Variants in RALGAPA2 observed in about 807,000 individuals in gnomAD.
The protein encoded by RALGAPA2 is Ral GTPase activating protein catalytic subunit alpha 2, also known as ral GTPase-activating protein subunit alpha-2.
RALGAPA2 carries 139 observed loss-of-function variants against 230.4 expected under a neutral mutation model. The observed-to-expected ratio is 0.60, with a 90% CI of 0.53 to 0.69. The LOEUF is 0.69. Ranked by LOEUF, RALGAPA2 falls within the 30% of genes least tolerant of loss-of-function variation. The probability of loss-of-function intolerance (pLI) is 0.00; values close to 1 mark genes in which losing one functional copy is unlikely to be tolerated. For missense variants in RALGAPA2, 2,163 were observed against 2,276.0 expected, an observed-to-expected ratio of 0.95 and a Z score of 1.01; for synonymous variants, 847 against 837.8, an observed-to-expected ratio of 1.01 and a Z score of -0.19.
At chr20:20,663,022 G>A (rs1039689967) in intron 3 of RALGAPA2, among the ~76,000 whole-genome samples, 1 of 152,222 alleles carries the variant, frequency 6.6e-6, no homozygotes, top group Non-Finnish European at 1.5e-5. Flanking sequence ...CAGACTAGAC[G>A]AAGAACATTC....
chr20:20,703,383 A>G (rs1415419381), intron 1 of RALGAPA2, among the ~76,000 whole-genome samples: 1 of 152,192 alleles, frequency 6.6e-6, no homozygotes, highest in Admixed American at 6.5e-5. Flanking sequence ...TAAAATTCCT[A>G]TTTTAACTTT....
chr20:20,538,046 C>A (rs2063543772), intron 24 of RALGAPA2, among the ~76,000 whole-genome samples: 1 of 152,160 alleles, frequency 6.6e-6, no homozygotes, highest in Non-Finnish European at 1.5e-5. Flanking sequence ...TCAAAGAGAG[C>A]TTTTCTCCCT....
intron 20 of RALGAPA2, among the ~76,000 whole-genome samples, chr20:20,575,449 CAA>C (rs2064789299): frequency 6.6e-6 from 1 of 150,802 alleles, no homozygotes; most frequent in Non-Finnish European, 1.5e-5. Context: ...TCTTCCTGCT[CAA>C]AGAGTATGAA....
chr20:20,495,804 C>T (rs1275449485), intron 35 of RALGAPA2, among the ~76,000 whole-genome samples: 1 of 152,184 alleles, frequency 6.6e-6, no homozygotes, highest in Non-Finnish European at 1.5e-5. Context: ...ATTACCTTTG[C>T]TTAGGAAATG....
Position 20,640,887 on chromosome 20 carries a change from A to C in RALGAPA2, c.373-9T>G, listed in dbSNP as rs766652829. On this transcript the variant is annotated splice_polypyrimidine_tract_variant and intron_variant, in intron 5 of 39. Transcript: ENST00000202677. ...ATTCCTTCACATCTTATCTAAAACAAAATTAAAAACAATGAAAATGAAACA... is the reference window on the plus strand; with the variant it reads ...ATTCCTTCACATCTTATCTAAAACACAATTAAAAACAATGAAAATGAAACA... The C allele has an allele frequency of 2.5e-6, 4 of 1,597,014 alleles. No homozygotes were observed. The Admixed American group carries it at 5.1e-5, about 20-fold the overall frequency.
At chr20:20,506,850 C>T (rs1450505913) in intron 33 of RALGAPA2, among the ~76,000 whole-genome samples, 1 of 152,138 alleles carries the variant, frequency 6.6e-6, no homozygotes, top group Admixed American at 6.5e-5. Flanking sequence ...AAAAGTCATA[C>T]AAATAACTGG....
At chr20:20,626,888 C>G (rs1463050049) in intron 10 of RALGAPA2, among the ~76,000 whole-genome samples, 1 of 152,136 alleles carries the variant, frequency 6.6e-6, no homozygotes, top group Admixed American at 6.6e-5. Context: ...GACGTACGAT[C>G]CACGAGGCCT....
At chr20:20,396,026 C>G (rs1016960087) in intron 39 of RALGAPA2, among the ~76,000 whole-genome samples, 1 of 152,214 alleles carries the variant, frequency 6.6e-6, no homozygotes, top group Non-Finnish European at 1.5e-5. Context: ...GGTTTTCAGA[C>G]AGCCTTGCCA....
chr20:20,511,926 C>T (rs1247119345), intron 32 of RALGAPA2, among the ~76,000 whole-genome samples: 1 of 152,170 alleles, frequency 6.6e-6, no homozygotes, highest in Admixed American at 6.5e-5. Flanking sequence ...CGCAGTTGCT[C>T]ACGCCTGTAA....
chr20:20,655,350 G>A (rs1237832525), intron 3 of RALGAPA2, among the ~76,000 whole-genome samples: 2 of 151,994 alleles, frequency 1.3e-5, no homozygotes, highest in African/African-American at 4.8e-5. Flanking sequence ...AAAAAACCTT[G>A]ACAGACGTTT....
chr20:20,690,913 C>T (rs906981511), intron 1 of RALGAPA2, among the ~76,000 whole-genome samples: 1 of 152,182 alleles, frequency 6.6e-6, no homozygotes, highest in African/African-American at 2.4e-5. Flanking sequence ...CCAAGACACT[C>T]TCCCGAAGAT....
chr20:20,405,659 C>T (rs149764315), intron 38 of RALGAPA2, among the ~76,000 whole-genome samples: 60 of 152,318 alleles, frequency 3.9e-4, no homozygotes, highest in African/African-American at 1.2e-3. Context: ...TTAAAACCCT[C>T]GAGACCATCT....
chr20:20,428,008 C>A (rs1003250344), intron 37 of RALGAPA2, among the ~76,000 whole-genome samples: 3 of 152,058 alleles, frequency 2.0e-5, no homozygotes, highest in African/African-American at 7.2e-5. Flanking sequence ...GAAGAGAGAT[C>A]AGAATTAGAA....
intron 37 of RALGAPA2, among the ~76,000 whole-genome samples, chr20:20,450,216 C>T (rs2060957549): frequency 6.6e-6 from 1 of 152,328 alleles, no homozygotes; most frequent in African/African-American, 2.4e-5. Flanking sequence ...CACTAACTAA[C>T]ATCAATTAGA....
intron 38 of RALGAPA2, among the ~76,000 whole-genome samples, chr20:20,411,496 C>G (rs572354075): frequency 5.6e-4 from 85 of 152,304 alleles, no homozygotes; most frequent in Admixed American, 1.8e-3. Flanking sequence ...AGGTGCTGCT[C>G]CGGTCGGCGG....
intron 1 of RALGAPA2, among the ~76,000 whole-genome samples, chr20:20,681,313 A>G (rs911271837): frequency 1.2e-4 from 18 of 152,184 alleles, no homozygotes; most frequent in African/African-American, 3.9e-4. Context: ...GAACTAGCAC[A>G]TGCTCCCCAA....
At chr20:20,693,855 AG>A (rs1305562629) in intron 1 of RALGAPA2, among the ~76,000 whole-genome samples, 3 of 152,184 alleles carry the variant, frequency 2.0e-5, no homozygotes, top group Non-Finnish European at 2.9e-5. Context: ...CTGTAATCCT[AG>A]TACTTTGGGA....
In RALGAPA2 at chr20:20,637,333, T is replaced by C. The variant is rs538656585; in HGVS notation, c.805+30A>G. ...AGACTGCATAGCTTTCCTTTGGATA[T>C]CCTCTATACACGGCTCCAACAGTAC... On this transcript the variant is annotated intron_variant, in intron 8 of 39. Coordinates refer to ENST00000202677, the MANE Select transcript of RALGAPA2 (RefSeq NM_020343.4). 1.5e-5 allele frequency: 23 copies of C among 1,499,330 alleles called. No homozygotes were observed. In the South Asian group the frequency reaches 2.9e-4, roughly 19 times the overall value. 92.9% of individuals were successfully genotyped at this position (1,499,330 alleles called of 1,614,324 possible). A position where few individuals can be genotyped will look rare whatever the true frequency, so the allele number is the denominator to read the frequency against.
intron 37 of RALGAPA2, among the ~76,000 whole-genome samples, chr20:20,441,927 T>A (rs890236331): frequency 1.3e-5 from 2 of 152,196 alleles, no homozygotes; most frequent in African/African-American, 4.8e-5. Flanking sequence ...GGATTTCACT[T>A]TCATTTAAGA....
Sources: allele counts gnomAD v4.1 joint callset (sites outside exome capture counted in the v4.1 genomes callset), GRCh38; gene constraint gnomAD v4.1.1; transcripts MANE v1.5; gene names NCBI Gene and HGNC (gene_info 2026-07-23, HGNC 2026-07-21).